Variants in GSE1 observed in about 807,000 individuals in gnomAD.
The protein encoded by GSE1 is genetic suppressor element 1.
Under a neutral mutation model 112.6 loss-of-function variants are expected in GSE1, and 32 were observed. The observed-to-expected ratio is 0.28, with a 90% confidence interval of 0.21 to 0.38. The LOEUF is 0.38. Among genes scored for constraint, GSE1 ranks in the 10% least tolerant of loss-of-function variants. The pLI, the probability that GSE1 is intolerant of heterozygous loss-of-function variation, is 1.00. For missense variants in GSE1, 2,348 were observed against 1,699.2 expected (o/e 1.38, Z -6.71); for synonymous variants, 1,115 against 735.6 (o/e 1.52, Z -8.35).
intron 1 of GSE1, among the ~76,000 whole-genome samples, chr16:85,587,175 C>G (rs571560100): frequency 2.1e-4 from 31 of 150,438 alleles, no homozygotes; most frequent in Non-Finnish European, 3.3e-4. Flanking sequence ...GAAACCCCCC[C>G]CCCCCCAGAC....
intron 1 of GSE1, among the ~76,000 whole-genome samples, chr16:85,209,680 C>T (rs992597471): frequency 2.0e-5 from 3 of 152,208 alleles, no homozygotes; most frequent in South Asian, 2.1e-4. Context: ...AACCCTAGAT[C>T]GAGGTGCATG....
At chr16:85,500,687 C>T (rs1225315560) in intron 2 of GSE1, among the ~76,000 whole-genome samples, 1 of 152,230 alleles carries the variant, frequency 6.6e-6, no homozygotes, top group Non-Finnish European at 1.5e-5. Context: ...ACCCCCTCCC[C>T]CCATCAGTGT....
intron 1 of GSE1, among the ~76,000 whole-genome samples, chr16:85,345,857 A>T (rs1048356025): frequency 2.6e-5 from 4 of 152,230 alleles, no homozygotes; most frequent in Non-Finnish European, 5.9e-5. Context: ...GGATTGATGG[A>T]TGATGAGCAA....
At chr16:85,285,682 CAAAAAAAAAAAA>C (rs36070534) in intron 1 of GSE1, 1 of 69,812 alleles carries the variant, frequency 1.4e-5, no homozygotes, top group African/African-American at 4.2e-5. Context: ...AACTCTGTCT[CAAAAAAAAAAAA>C]AAAAAAGAAA....
chr16:85,618,367 C>A (rs949275866), intron 1 of GSE1, among the ~76,000 whole-genome samples: 2 of 152,158 alleles, frequency 1.3e-5, no homozygotes, highest in Admixed American at 1.3e-4. Context: ...ATGCCCCTGA[C>A]GGGTAAATGA....
chr16:85,368,696 C>T (rs917675893), intron 2 of GSE1, among the ~76,000 whole-genome samples: 1 of 152,094 alleles, frequency 6.6e-6, no homozygotes, highest in Admixed American at 6.5e-5. Flanking sequence ...CAGAGTGAGA[C>T]CCTGTCACTA....
chr16:85,376,955 C>T lies in GSE1; in HGVS notation c.2464+19312C>T, dbSNP rs114238803. On this transcript the variant is annotated intron_variant, in intron 2 of 2. Transcript: ENST00000637419. ...GGCCCCTCCTGTTGTGCAGGTTGCA[C>T]GCTGTGCAGTCGCGGGTGGCCGTTT... Among the ~76,000 whole-genome samples, 1,096 of 152,382 alleles carry T rather than the reference C, an allele frequency of 7.2e-3. 11 individuals carry two copies. The highest frequency in any genetic ancestry group is 0.025 in the African/African-American group (1,051 of 41,584).
chr16:85,471,138 C>T (rs2050281537), intron 2 of GSE1, among the ~76,000 whole-genome samples: 1 of 152,152 alleles, frequency 6.6e-6, no homozygotes, highest in Non-Finnish European at 1.5e-5. Flanking sequence ...CCCATTCGCC[C>T]TGGGTGCTCT....
chr16:85,184,813 G>T (rs77322321), intron 1 of GSE1, among the ~76,000 whole-genome samples: 11,744 of 152,176 alleles, frequency 0.077, 664 homozygotes, highest in South Asian at 0.23. Flanking sequence ...AACAGAGAAG[G>T]TACTCTGTAT....
chr16:85,205,044 C>T (rs778591328), intron 1 of GSE1, among the ~76,000 whole-genome samples: 29 of 135,248 alleles, frequency 2.1e-4, no homozygotes, highest in Admixed American at 3.6e-4. Context: ...GGCATGTACA[C>T]GTACGTCTTG....
rs1170612396 is a variant in GSE1, at chr16:85,655,709, C to T, written c.798-17C>T. On this transcript the variant is annotated splice_polypyrimidine_tract_variant and intron_variant, in intron 5 of 15. Transcript: ENST00000253458. The stretch of plus-strand genomic sequence containing the variant: ...CTTGGTTCATTTGCTGCTCACAGCC[C>T]CGTCTTCTCTGCACAGGATGGACGA... 1 of 1,563,760 alleles carries T rather than the reference C, an allele frequency of 6.4e-7. No individual in the cohort carries two copies. The highest frequency in any genetic ancestry group is 1.8e-5 in the Admixed American group (1 of 56,118).
chr16:85,631,855 G>A (rs567502319), intron 1 of GSE1, among the ~76,000 whole-genome samples: 4 of 152,268 alleles, frequency 2.6e-5, no homozygotes, highest in Non-Finnish European at 4.4e-5. Flanking sequence ...CCACAGGCGC[G>A]TTTTCATCGC....
At chr16:85,252,716 G>T (rs970512986) in intron 1 of GSE1, among the ~76,000 whole-genome samples, 1 of 152,230 alleles carries the variant, frequency 6.6e-6, no homozygotes, top group Non-Finnish European at 1.5e-5. Flanking sequence ...GAACCCTTGA[G>T]CCTCCAACAT....
At chr16:85,669,325 G>C (rs183025048) in intron 14 of GSE1, among the ~76,000 whole-genome samples, 3 of 152,288 alleles carry the variant, frequency 2.0e-5, no homozygotes, top group Admixed American at 2.0e-4. Flanking sequence ...ACATATGACA[G>C]TGTTGTAAAT....
intron 1 of GSE1, among the ~76,000 whole-genome samples, chr16:85,227,009 C>T (rs1392255758): frequency 1.3e-5 from 2 of 152,004 alleles, no homozygotes; most frequent in African/African-American, 2.4e-5. Flanking sequence ...CACGCATCCC[C>T]TTTCCATCCA....
At chr16:85,282,128 A>G (rs1381084500) in intron 1 of GSE1, among the ~76,000 whole-genome samples, 1 of 151,986 alleles carries the variant, frequency 6.6e-6, no homozygotes, top group Admixed American at 6.6e-5. Flanking sequence ...CCTGGGTTCA[A>G]GTGATTCTCC....
At chr16:85,197,117 A>G (rs8048537) in intron 1 of GSE1, among the ~76,000 whole-genome samples, 93,465 of 152,054 alleles carry the variant, frequency 0.61, 29,498 homozygotes, top group African/African-American at 0.76. Flanking sequence ...CCTGCATGCC[A>G]GGCACAGAGA....
At chr16:85,519,089 A>G (rs971244770) in intron 2 of GSE1, among the ~76,000 whole-genome samples, 3 of 152,344 alleles carry the variant, frequency 2.0e-5, no homozygotes, top group South Asian at 2.1e-4. Flanking sequence ...AAGTGGAGTA[A>G]TGAAGCCACT....
chr16:85,506,365 T>C (rs1020634088), intron 2 of GSE1, among the ~76,000 whole-genome samples: 1 of 150,178 alleles, frequency 6.7e-6, no homozygotes, highest in Non-Finnish European at 1.5e-5. Flanking sequence ...TATGTGGGGG[T>C]GGGGAGGAGC....
Sources: allele counts gnomAD v4.1 joint callset (sites outside exome capture counted in the v4.1 genomes callset), GRCh38; gene constraint gnomAD v4.1.1; transcripts MANE v1.5; gene names NCBI Gene and HGNC (gene_info 2026-07-23, HGNC 2026-07-21).